CRYBG2: variants seen among roughly 807,000 people sequenced by gnomAD.
CRYBG2 encodes the protein crystallin beta-gamma domain containing 2.
In CRYBG2, 106 loss-of-function variants were observed where a neutral mutation model predicts 153.4. The observed-to-expected ratio is 0.69, with a 90% confidence interval of 0.59 to 0.81. The LOEUF (loss-of-function observed/expected upper bound fraction) is 0.81. CRYBG2 is among the 30% of genes least tolerant of loss of function. CRYBG2 has a pLI of 0.00. For missense variants in CRYBG2, 1,996 were observed against 2,112.0 expected, an observed-to-expected ratio of 0.95 and a Z score of 1.08; for synonymous variants, 851 against 877.8, an observed-to-expected ratio of 0.97 and a Z score of 0.54.
At position 26,354,114 on chromosome 1, in the gene CRYBG2, C is replaced by T. The variant is rs1198254425; in HGVS notation, c.-134G>A. Reference sequence around the variant, plus strand: ...GCTGCTGGGCCGTGCTCCCCTGATGCGATTGGGCTCTCAGCTGGGGTTCCT... The same window carrying T: ...GCTGCTGGGCCGTGCTCCCCTGATGTGATTGGGCTCTCAGCTGGGGTTCCT... On this transcript the variant is annotated 5_prime_UTR_variant, in exon 1 of 20. Transcript: ENST00000308182. 3.5e-5 allele frequency: 14 copies of T among 399,556 alleles called. No homozygotes were observed. In the South Asian group the frequency reaches 5.1e-4, roughly 15 times the overall value. 24.8% of individuals were successfully genotyped at this position (399,556 alleles called of 1,614,324 possible).
rs1251006851 is a variant in CRYBG2 at position 26,345,806 on chromosome 1, C to T, written c.852G>A (p.Glu284=). The T allele has an allele frequency of 6.3e-7, 1 of 1,596,448 alleles. No individual in the cohort carries two copies. The highest frequency in any genetic ancestry group is 2.2e-5 in the East Asian group (1 of 44,868). Residue 284 remains glutamate (E), a synonymous_variant, in exon 2 of 20, where the codon GAG becomes GAA. Coordinates refer to ENST00000308182, the MANE Select transcript of CRYBG2 (RefSeq NM_001039775.4). ...LRQLPETGTA[E]LKDSSALAST... ...AGGCCAGGGCAGAGCTGTCTTTAAG[C>T]TCTGCTGTCCCGGTCTCAGGCAGCT...
In CRYBG2 at chr1:26,345,535, C is replaced by G. The variant is rs764528578; in HGVS notation, c.1123G>C (p.Val375Leu). The change falls in exon 2 of 20, where the codon GTG becomes CTG. Residue 375 changes from valine (V) to leucine (L), a missense_variant. Transcript: ENST00000308182. ...GLTHPAKQPV[V>L]PTHPGARLTP... The stretch of plus-strand genomic sequence containing the variant: ...AGCCGGGCCCCGGGGTGAGTGGGCA[C>G]CACAGGCTGCTTTGCAGGGTGAGTT... 1 of 1,602,584 alleles carries G rather than the reference C, an allele frequency of 6.2e-7. No homozygotes were observed. Among genetic ancestry groups the G allele is most frequent in the Admixed American group, 1.7e-5 (1 of 59,568 alleles).
At position 26,325,858 on chromosome 1, in the gene CRYBG2, A is replaced by T. The variant is rs557967051; in HGVS notation, c.4579-1548T>A. On this transcript the variant is annotated intron_variant, in intron 17 of 19. Coordinates refer to ENST00000308182, the MANE Select transcript of CRYBG2 (RefSeq NM_001039775.4). The surrounding 1 kb of genome is among the most constrained non-coding windows in gnomAD (Gnocchi z 4.1). ...GTGCTTCCCCAAGTGAGGTATGCTT[A>T]CTACCAGTGGGTGGTCCATGAGATC... 6.6e-6 allele frequency among the ~76,000 whole-genome samples: 1 copy of T among 152,266 alleles called. No homozygotes were observed. Among genetic ancestry groups the T allele is most frequent in the East Asian group, 1.9e-4 (1 of 5,172 alleles).
In CRYBG2 at chr1:26,331,341, C is replaced by T. The variant is rs958424119; in HGVS notation, c.4314+148G>A. The T allele has an allele frequency of 5.9e-6, 7 of 1,194,124 alleles. No homozygotes were observed. In the Admixed American group the frequency reaches 1.3e-4, roughly 23 times the overall value. The allele number at this position is 1,194,124 out of a possible 1,614,324, so 74.0% of individuals were successfully genotyped here. A position where few individuals can be genotyped will look rare whatever the true frequency, so the allele number is the denominator to read the frequency against. Reference sequence around the variant, plus strand: ...ATGAAGAGCTAGCAAACTAAACTGGCTTTACAGCCCCAGAGTCAAGGGGAC... The same window carrying T: ...ATGAAGAGCTAGCAAACTAAACTGGTTTTACAGCCCCAGAGTCAAGGGGAC... On this transcript the variant is annotated intron_variant, in intron 15 of 19. Transcript: ENST00000308182.
intron 5 of CRYBG2, among the ~76,000 whole-genome samples, chr1:26,340,787 TA>T (rs2074119047): frequency 6.6e-6 from 1 of 151,830 alleles, no homozygotes; most frequent in African/African-American, 2.4e-5. Context: ...TAATTTTTTG[TA>T]TTTTTTTTAG....
rs1000363802 is a variant in CRYBG2 at position 26,344,429 on chromosome 1, G to A, written c.2229C>T (p.Thr743=). The part of the protein sequence containing the change: ...STESQLVSDP[T]EGKTCTETSR... ...ATGTCTCTGTGCACGTCTTGCCCTC[G>A]GTGGGATCAGAGACAAGCTGGGACT... The change falls in exon 2 of 20, where the codon ACC becomes ACT. Residue 743 remains threonine, a synonymous_variant. Transcript: ENST00000308182. The A allele has an allele frequency of 7.9e-6, 12 of 1,523,722 alleles. No homozygotes were observed. In the East Asian group the frequency reaches 9.8e-5, roughly 12 times the overall value. The allele number at this position is 1,523,722 out of a possible 1,614,324, so 94.4% of individuals were successfully genotyped here.
chr1:26,336,991 A>T lies in CRYBG2; in HGVS notation c.3772-11T>A. 1 of 1,613,204 alleles carries T rather than the reference A, an allele frequency of 6.2e-7. No individual in the cohort carries two copies. Among genetic ancestry groups the T allele is most frequent in the East Asian group, 2.2e-5 (1 of 44,868 alleles). Reference sequence around the variant, plus strand: ...CGGGTCCCCGAAGTCCTGGGTCCCCAGGGACAGTCAGGTCTCTCCCGCCCA... The same window carrying T: ...CGGGTCCCCGAAGTCCTGGGTCCCCTGGGACAGTCAGGTCTCTCCCGCCCA... On this transcript the variant is annotated splice_polypyrimidine_tract_variant and intron_variant, in intron 10 of 19. Coordinates refer to ENST00000308182, the MANE Select transcript of CRYBG2 (RefSeq NM_001039775.4). This position sits in a 1 kb window ranked among gnomAD's most constrained non-coding sequence, Gnocchi z 4.9.
intron 6 of CRYBG2, 72 bp downstream of exon 6, chr1:26,339,218 G>T: frequency 6.5e-7 from 1 of 1,542,336 alleles, no homozygotes; most frequent in Non-Finnish European, 8.7e-7. Flanking sequence ...ACTGTGTTCT[G>T]TCACCTCTGT....
Position 26,338,367 on chromosome 1 carries a change from A to G in CRYBG2, c.3455T>C (p.Leu1152Pro), listed in dbSNP as rs2074087590. 6.2e-7 allele frequency: 1 copy of G among 1,608,010 alleles called. No homozygotes were observed. The highest frequency in any genetic ancestry group is 8.5e-7 in the Non-Finnish European group (1 of 1,177,624). ...GTTCTTTACCAATCTCATGGGCTTC[A>G]GGGAGCCCACGCTGGGGTCCGATGT... ...WGTSDPSVGS[L>P]KPMRLGCPSV... The change falls in exon 7 of 20, where the codon CTG becomes CCG. Residue 1152 changes from leucine to proline, a missense_variant. By Grantham distance (98) the Leu-to-Pro change is moderately conservative (BLOSUM62 -3). Coordinates refer to ENST00000308182, the MANE Select transcript of CRYBG2 (RefSeq NM_001039775.4).
In CRYBG2 at chr1:26,342,874, C is replaced by T. The variant is rs770916963; in HGVS notation, c.3084G>A (p.Leu1028=). 6.2e-7 allele frequency: 1 copy of T among 1,614,134 alleles called. No homozygotes were observed. The highest frequency in any genetic ancestry group is 1.1e-5 in the South Asian group (1 of 91,084). The change falls in exon 5 of 20, where the codon CTG becomes CTA. Residue 1028 remains leucine, a synonymous_variant. Coordinates refer to ENST00000308182, the MANE Select transcript of CRYBG2 (RefSeq NM_001039775.4). ...GACCCCGGAACTCTGGCTCTTCGTA[C>T]AGCACCCAGCTGTGGGCACAGAGAT... is the stretch of plus-strand genomic sequence containing the variant. ...SIRVVRGCWV[L]YEEPEFRGQK...
rs945070476 is a variant in CRYBG2 at position 26,344,805 on chromosome 1, T to G, written c.1853A>C (p.Gln618Pro). Reference sequence around the variant, plus strand: ...CAAGGCAGCAGGAGCACCAGACCCCTGCACCACCTCCTTCTGGGTGGGAGA... The same window carrying G: ...CAAGGCAGCAGGAGCACCAGACCCCGGCACCACCTCCTTCTGGGTGGGAGA... ...ASSPTQKEVV[Q>P]GSGAPAALSP... Residue 618 changes from glutamine (Q) to proline (P), a missense_variant, in exon 2 of 20, where the codon CAG (glutamine) becomes CCG (proline). Physicochemically the swap from Gln to Pro is moderately conservative, Grantham distance 76. Coordinates refer to ENST00000308182, the MANE Select transcript of CRYBG2 (RefSeq NM_001039775.4). 11 of 1,535,928 alleles carry G rather than the reference T, an allele frequency of 7.2e-6. No individual in the cohort carries two copies. The Admixed American group carries it at 9.8e-5, about 14-fold the overall frequency.
Position 26,336,428 on chromosome 1 carries a change from C to A in CRYBG2, c.4039-58G>T. The A allele has an allele frequency of 1.3e-6, 2 of 1,598,352 alleles. No individual in the cohort carries two copies. The highest frequency in any genetic ancestry group is 1.7e-6 in the Non-Finnish European group (2 of 1,172,538). On this transcript the variant is annotated intron_variant, in intron 12 of 19. Transcript: ENST00000308182. The surrounding 1 kb of genome is among the most constrained non-coding windows in gnomAD (Gnocchi z 4.9). ...GGGTGCCGGCCCCTAGCCTTGTCTT[C>A]TCTAGGTTTCAGTACCGTCCACCCC...
At chr1:26,335,104 A>G (rs1281539259) in intron 14 of CRYBG2, among the ~76,000 whole-genome samples, 2 of 136,154 alleles carry the variant, frequency 1.5e-5, no homozygotes, top group African/African-American at 5.6e-5. Context: ...CAAATAGCCA[A>G]TTCTAGATTT....
At chr1:26,348,944 C>G (rs865816917) in intron 1 of CRYBG2, among the ~76,000 whole-genome samples, 28 of 151,724 alleles carry the variant, frequency 1.8e-4, no homozygotes, top group African/African-American at 6.8e-4. Flanking sequence ...CGAGGCAGGC[C>G]GATCACCTGA....
chr1:26,329,206 C>T (rs548332615), intron 15 of CRYBG2, among the ~76,000 whole-genome samples: 19 of 122,684 alleles, frequency 1.5e-4, no homozygotes, highest in Admixed American at 1.0e-3. Flanking sequence ...GACAGAGTCT[C>T]ACTCTTGTCA....
Position 26,324,275 on chromosome 1 carries a change from C to A in CRYBG2, c.4614G>T (p.Leu1538=). ...RVYFRLWNAA[L]GGFLAVPDHV... ...GGTCCGGCACTGCCAGGAATCCCCC[C>A]AGTGCTGCATTCCAGAGGCGGAAAT... The change falls in exon 18 of 20, where the codon CTG becomes CTT. Residue 1538 remains leucine, a synonymous_variant. Transcript: ENST00000308182. 1 of 1,611,028 alleles carries A rather than the reference C, an allele frequency of 6.2e-7. No individual in the cohort carries two copies. Among genetic ancestry groups the A allele is most frequent in the East Asian group, 2.2e-5 (1 of 44,878 alleles).
In CRYBG2 at chr1:26,344,199, AC is replaced by A; in HGVS notation, c.2458del (p.Val820CysfsTer20). On this transcript the variant is annotated frameshift_variant, in exon 2 of 20. Coordinates refer to ENST00000308182, the MANE Select transcript of CRYBG2 (RefSeq NM_001039775.4). LOFTEE classifies it high-confidence loss of function. The stretch of plus-strand genomic sequence containing the variant: ...CTCCTCTTTCTCTTCCAGTGAAGGC[AC>A]CTCCTGGGGTCCGGGGCCCAGCACC... ...PWVLGPGPQE[V>X]PSLEEKEEEE... The A allele has an allele frequency of 6.5e-7, 1 of 1,535,228 alleles. No individual in the cohort carries two copies. The highest frequency in any genetic ancestry group is 8.7e-7 in the Non-Finnish European group (1 of 1,146,492).
intron 1 of CRYBG2, among the ~76,000 whole-genome samples, chr1:26,353,084 T>G (rs1227976327): frequency 6.6e-6 from 1 of 152,052 alleles, no homozygotes; most frequent in African/African-American, 2.4e-5. Context: ...GATGGAGCAG[T>G]GGTTAGAGCA....
At position 26,326,269 on chromosome 1, in the gene CRYBG2, A is replaced by G. The variant is rs145410801; in HGVS notation, c.4578+1940T>C. Among the ~76,000 whole-genome samples, 637 of 152,198 alleles carry G rather than the reference A, an allele frequency of 4.2e-3. 6 individuals are homozygous for G. The highest frequency in any genetic ancestry group is 0.014 in the African/African-American group (601 of 41,548). On this transcript the variant is annotated intron_variant, in intron 17 of 19. Coordinates refer to ENST00000308182, the MANE Select transcript of CRYBG2 (RefSeq NM_001039775.4). ...GAAAAAAAATCAGGCTGGGCATGGT[A>G]GCTCACACCTGTAAACCCAGCACTT... is the stretch of plus-strand genomic sequence containing the variant.
Sources: gnomAD v4.1 joint callset for allele counts (sites outside exome capture counted in the v4.1 genomes callset) on GRCh38, gnomAD v4.1.1 for gene constraint, Gnocchi (gnomAD v3.1) non-coding constraint, MANE v1.5 for transcripts, NCBI Gene and HGNC (gene_info 2026-07-23, HGNC 2026-07-21) for gene names.